Variants in XIRP2 observed in about 807,000 individuals in gnomAD.
The protein encoded by XIRP2 is xin actin-binding repeat-containing protein 2.
XIRP2 carries 236 observed loss-of-function variants against 277.0 expected under a neutral mutation model. That is an observed-to-expected ratio of 0.85 (90% CI 0.77 to 0.95). The LOEUF (loss-of-function observed/expected upper bound fraction) is 0.95. XIRP2 is among the 40% of genes least tolerant of loss of function. The pLI is 0.00. For synonymous variants in XIRP2, 1,490 were observed against 1,416.5 expected, an observed-to-expected ratio of 1.05 and a Z score of -1.17; for missense variants, 4,640 against 4,157.5, an observed-to-expected ratio of 1.12 and a Z score of -3.19.
chr2:167,103,987 G>T (rs12104632), intron 2 of XIRP2, among the ~76,000 whole-genome samples: 14,696 of 152,048 alleles, frequency 0.097, 1,387 homozygotes, highest in African/African-American at 0.24. Context: ...TCCTAGTGAG[G>T]TCTTGCACAC....
At chr2:167,118,483 A>ATAAAATAAAAT (rs1308831476) in intron 2 of XIRP2, among the ~76,000 whole-genome samples, 142 of 7,032 alleles carry the variant, frequency 0.02, no homozygotes, top group African/African-American at 0.049. Flanking sequence ...CTCTGTCTCG[A>ATAAAATAAAAT]TAAAATAAAA....
intron 2 of XIRP2, among the ~76,000 whole-genome samples, chr2:167,083,079 T>A (rs1343585404): frequency 6.6e-6 from 1 of 152,202 alleles, no homozygotes; most frequent in East Asian, 1.9e-4. Flanking sequence ...TGGTTTTAGG[T>A]CTAACATTTA....
intron 1 of XIRP2, among the ~76,000 whole-genome samples, chr2:166,894,319 A>C (rs1408964626): frequency 6.6e-6 from 1 of 152,140 alleles, no homozygotes; most frequent in African/African-American, 2.4e-5. Flanking sequence ...CTTTTATACA[A>C]GATAGCAGAT....
At chr2:166,999,352 C>A (rs1267696546) in intron 2 of XIRP2, among the ~76,000 whole-genome samples, 1 of 151,794 alleles carries the variant, frequency 6.6e-6, no homozygotes, top group Non-Finnish European at 1.5e-5. Flanking sequence ...TTGCTTATTT[C>A]CGCTTGAATA....
rs1685796690 is a variant in XIRP2 at position 166,944,314 on chromosome 2, C to T, written c.408+40424C>T. ...TGGTTTGTTATGTATTTGGTTGTAT[C>T]TCCAAAGAAAATAATTCTGCCTCCT... On this transcript the variant is annotated intron_variant, in intron 2 of 10. Transcript: ENST00000409195. Among the ~76,000 whole-genome samples the T allele has an allele frequency of 4.6e-5, 7 of 152,120 alleles. 1 individual carries two copies. The South Asian group carries it at 1.5e-3, about 32-fold the overall frequency.
chr2:167,250,484 A>G lies in XIRP2; in HGVS notation c.9092A>G (p.Gln3031Arg). Residue 3031 changes from glutamine to arginine, a missense_variant, in exon 9 of 11, where the codon CAG becomes CGG. Coordinates refer to ENST00000409195, the MANE Select transcript of XIRP2 (RefSeq NM_152381.6). ...CTTGTGTCCTATGAAAATATAATTC[A>G]GACAGCCATGATGTCCTCCAAAACA... ...DMLVSYENII[Q>R]TAMMSSKTGK... 1 of 1,613,476 alleles carries G rather than the reference A, an allele frequency of 6.2e-7. No individual in the cohort carries two copies. Among genetic ancestry groups the G allele is most frequent in the Non-Finnish European group, 8.5e-7 (1 of 1,179,686 alleles).
intron 2 of XIRP2, among the ~76,000 whole-genome samples, chr2:166,966,704 A>G (rs1686443108): frequency 6.6e-6 from 1 of 151,986 alleles, no homozygotes; most frequent in South Asian, 2.1e-4. Context: ...ATAAAGAGAC[A>G]AATGTGGACC....
At chr2:167,227,762 A>C (rs577978583) in intron 5 of XIRP2, among the ~76,000 whole-genome samples, 1 of 152,278 alleles carries the variant, frequency 6.6e-6, no homozygotes, top group Admixed American at 6.5e-5. Flanking sequence ...ACTGAAGGAA[A>C]ATATGTTAAA....
At chr2:167,087,284 G>A (rs1211787815) in intron 2 of XIRP2, among the ~76,000 whole-genome samples, 1 of 152,176 alleles carries the variant, frequency 6.6e-6, no homozygotes, top group Non-Finnish European at 1.5e-5. Flanking sequence ...CCCACTTGAG[G>A]AGGCAGTCTG....
chr2:167,133,350 C>T (rs1421224650), intron 2 of XIRP2, among the ~76,000 whole-genome samples: 3 of 152,144 alleles, frequency 2.0e-5, no homozygotes, highest in Non-Finnish European at 4.4e-5. Flanking sequence ...CCTCCTTACC[C>T]CTTGCCAGGC....
chr2:167,050,309 T>C lies in XIRP2; in HGVS notation c.409-85600T>C, dbSNP rs141606067. 7.0e-3 allele frequency among the ~76,000 whole-genome samples: 1,061 copies of C among 152,206 alleles called. 9 individuals carry two copies. The highest frequency in any genetic ancestry group is 8.7e-3 in the Non-Finnish European group (592 of 67,982). Reference sequence around the variant, plus strand: ...CAGTAATTTAATCTAAATTCACTAATGTCTCCAGACTACTTTGGTTATATC... The same window carrying C: ...CAGTAATTTAATCTAAATTCACTAACGTCTCCAGACTACTTTGGTTATATC... On this transcript the variant is annotated intron_variant, in intron 2 of 10. Coordinates refer to ENST00000409195, the MANE Select transcript of XIRP2 (RefSeq NM_152381.6).
intron 2 of XIRP2, among the ~76,000 whole-genome samples, chr2:166,970,807 T>A (rs1686558167): frequency 6.6e-6 from 1 of 151,914 alleles, no homozygotes; most frequent in Non-Finnish European, 1.5e-5. Flanking sequence ...GTAAAACCAA[T>A]TCTGAAGTTG....
chr2:167,073,287 A>C (rs182877874), intron 2 of XIRP2, among the ~76,000 whole-genome samples: 114 of 152,268 alleles, frequency 7.5e-4, no homozygotes, highest in Admixed American at 7.5e-3. Flanking sequence ...CAATATTTAC[A>C]AGTCCTAAAG....
chr2:167,008,266 C>G (rs531070447), intron 2 of XIRP2, among the ~76,000 whole-genome samples: 1 of 151,564 alleles, frequency 6.6e-6, no homozygotes, highest in Non-Finnish European at 1.5e-5. Context: ...ATCTGTCATT[C>G]TTCTCTCTGT....
chr2:167,178,366 T>C (rs1376114495), intron 3 of XIRP2, among the ~76,000 whole-genome samples: 1 of 152,126 alleles, frequency 6.6e-6, no homozygotes, highest in Non-Finnish European at 1.5e-5. Context: ...TAAACTGAGG[T>C]ATTTAATTAG....
At chr2:167,085,998 G>A (rs1477673862) in intron 2 of XIRP2, among the ~76,000 whole-genome samples, 2 of 151,360 alleles carry the variant, frequency 1.3e-5, no homozygotes, top group African/African-American at 4.9e-5. Flanking sequence ...ATGTTAGCTG[G>A]TTATTTTGCT....
chr2:166,960,418 G>C (rs377501896), intron 2 of XIRP2, among the ~76,000 whole-genome samples: 27 of 151,756 alleles, frequency 1.8e-4, no homozygotes, highest in East Asian at 1.2e-3. Flanking sequence ...TAAGAAATGA[G>C]TCTCCCACCA....
intron 2 of XIRP2, among the ~76,000 whole-genome samples, chr2:166,950,897 CA>C (rs1457819566): frequency 3.3e-5 from 5 of 151,976 alleles, no homozygotes; most frequent in Non-Finnish European, 7.4e-5. Flanking sequence ...ATTAAATAAG[CA>C]GTTATTATAT....
chr2:167,087,035 C>A (rs1689970567), intron 2 of XIRP2, among the ~76,000 whole-genome samples: 1 of 150,904 alleles, frequency 6.6e-6, no homozygotes. Context: ...TTTAGAGTTT[C>A]CAGTTTTTCT....
Sources: gnomAD v4.1 joint callset for allele counts (sites outside exome capture counted in the v4.1 genomes callset) on GRCh38, gnomAD v4.1.1 for gene constraint, MANE v1.5 for transcripts, NCBI Gene and HGNC (gene_info 2026-07-23, HGNC 2026-07-21) for gene names.